The following MCTP1 variants were observed in gnomAD, a reference collection of about 807,000 sequenced individuals.
MCTP1 encodes the protein multiple C2 and transmembrane domain-containing protein 1.
A neutral mutation model predicts 120.6 loss-of-function variants in MCTP1; 69 were observed. That is an observed-to-expected ratio of 0.57 (90% CI 0.47 to 0.70). MCTP1 has a LOEUF of 0.70. Ranked by LOEUF, MCTP1 falls within the 30% of genes least tolerant of loss-of-function variation. MCTP1 has a pLI of 0.00. For missense variants in MCTP1, 1,203 were observed against 1,248.8 expected, an observed-to-expected ratio of 0.96 and a Z score of 0.55; for synonymous variants, 529 against 493.1, an observed-to-expected ratio of 1.07 and a Z score of -0.96.
At chr5:94,945,860 G>C (rs1441548805) in intron 3 of MCTP1, among the ~76,000 whole-genome samples, 1 of 152,188 alleles carries the variant, frequency 6.6e-6, no homozygotes. Flanking sequence ...TCTGCAAGGG[G>C]GGAAGAGGAA....
chr5:95,136,130 G>A (rs993825638), intron 1 of MCTP1, among the ~76,000 whole-genome samples: 2 of 152,058 alleles, frequency 1.3e-5, no homozygotes, highest in African/African-American at 4.8e-5. Flanking sequence ...TACATGTCTT[G>A]GTAATCATTA....
chr5:94,871,008 C>A, intron 14 of MCTP1, 35 bp from the exon 15 acceptor site: 1 of 1,541,614 alleles, frequency 6.5e-7, no homozygotes, highest in East Asian at 2.3e-5. Flanking sequence ...GTCTGTCTCG[C>A]GGTCTCTACT....
chr5:94,792,740 T>A (rs1779248216), intron 18 of MCTP1: 1 of 152,566 alleles, frequency 6.6e-6, no homozygotes. Context: ...ATTGGAGGGA[T>A]GAAGCTGAAA....
intron 17 of MCTP1, among the ~76,000 whole-genome samples, chr5:94,858,401 C>T (rs1054881110): frequency 2.0e-5 from 3 of 151,626 alleles, no homozygotes; most frequent in Non-Finnish European, 4.4e-5. Context: ...ACATTTATTA[C>T]TTAAACTGCA....
At chr5:95,073,259 G>A (rs2152263422) in intron 1 of MCTP1, among the ~76,000 whole-genome samples, 1 of 152,272 alleles carries the variant, frequency 6.6e-6, no homozygotes, top group South Asian at 2.1e-4. Flanking sequence ...ACTTGCCAAA[G>A]CTATCCTTTG....
At chr5:94,716,451 ATAAC>A (rs1255029004) in intron 19 of MCTP1, among the ~76,000 whole-genome samples, 2 of 152,172 alleles carry the variant, frequency 1.3e-5, no homozygotes, top group African/African-American at 4.8e-5. Flanking sequence ...AGTAAAATGA[ATAAC>A]TAGTGGCTTT....
intron 1 of MCTP1, among the ~76,000 whole-genome samples, chr5:95,230,346 G>T (rs1582603688): frequency 6.6e-6 from 1 of 151,954 alleles, no homozygotes; most frequent in East Asian, 1.9e-4. Context: ...AGGAAACTGG[G>T]GCAATACAAA....
At chr5:94,840,735 C>T (rs578225130) in intron 17 of MCTP1, among the ~76,000 whole-genome samples, 8 of 152,162 alleles carry the variant, frequency 5.3e-5, no homozygotes, top group Non-Finnish European at 1.0e-4. Flanking sequence ...TACCATGAGA[C>T]ACAAGTACTC....
chr5:95,278,182 C>T (rs769615838), intron 1 of MCTP1, among the ~76,000 whole-genome samples: 46 of 151,882 alleles, frequency 3.0e-4, no homozygotes, highest in Non-Finnish European at 6.5e-4. Context: ...GGATAAACTT[C>T]TCACCTCTGA....
At chr5:95,092,203 C>A (rs1277348516) in intron 1 of MCTP1, among the ~76,000 whole-genome samples, 1 of 151,338 alleles carries the variant, frequency 6.6e-6, no homozygotes, top group African/African-American at 2.4e-5. Flanking sequence ...TGTTTAGCTG[C>A]CTATAATAAA....
intron 19 of MCTP1, among the ~76,000 whole-genome samples, chr5:94,763,818 A>G (rs1235426415): frequency 6.6e-6 from 1 of 152,214 alleles, no homozygotes; most frequent in Admixed American, 6.5e-5. Context: ...GAAAGAAAAA[A>G]AATTTTAAAA....
chr5:94,913,396 T>C (rs570015492), intron 8 of MCTP1, among the ~76,000 whole-genome samples: 3 of 152,206 alleles, frequency 2.0e-5, no homozygotes, highest in African/African-American at 7.2e-5. Context: ...CTCTATGTTA[T>C]AAATATATTT....
chr5:95,259,514 C>T (rs1392619129), intron 1 of MCTP1, among the ~76,000 whole-genome samples: 1 of 152,200 alleles, frequency 6.6e-6, no homozygotes, highest in African/African-American at 2.4e-5. Flanking sequence ...TCAACACATA[C>T]TCGAAATCAA....
At chr5:94,920,514 G>A (rs1021955431) in intron 7 of MCTP1, among the ~76,000 whole-genome samples, 3 of 151,956 alleles carry the variant, frequency 2.0e-5, no homozygotes, top group South Asian at 2.1e-4. Flanking sequence ...AGGCCGAGGC[G>A]GGCAGATCAC....
chr5:94,956,954 C>T (rs1822792971), intron 2 of MCTP1, among the ~76,000 whole-genome samples: 2 of 152,160 alleles, frequency 1.3e-5, no homozygotes, highest in African/African-American at 4.8e-5. Flanking sequence ...CATCCCAAGA[C>T]ACATAATCGT....
At chr5:94,922,317 C>G (rs1333931351) in intron 7 of MCTP1, among the ~76,000 whole-genome samples, 1 of 152,152 alleles carries the variant, frequency 6.6e-6, no homozygotes, top group Non-Finnish European at 1.5e-5. Context: ...CAAAGAAGAT[C>G]TTGAGAGAGC....
intron 1 of MCTP1, among the ~76,000 whole-genome samples, chr5:95,101,976 T>A (rs1257390972): frequency 6.6e-6 from 1 of 152,180 alleles, no homozygotes; most frequent in African/African-American, 2.4e-5. Context: ...CTGTGTTTTT[T>A]TCCTCACCAC....
At position 94,846,290 on chromosome 5, in the gene MCTP1, G is replaced by A. The variant is rs547115263; in HGVS notation, c.2436+22043C>T. Among the ~76,000 whole-genome samples the A allele has an allele frequency of 5.9e-5, 9 of 152,194 alleles. No individual in the cohort carries two copies. In the East Asian group the frequency reaches 1.5e-3, roughly 26 times the overall value. ...CAGTAGACTGGATAAAGAAAATATA[G>A]TACATACACAGCATGGAATACTACG... On this transcript the variant is annotated intron_variant, in intron 17 of 22. Coordinates refer to ENST00000515393, the MANE Select transcript of MCTP1 (RefSeq NM_024717.7).
intron 19 of MCTP1, among the ~76,000 whole-genome samples, chr5:94,765,827 A>AG (rs1219507808): frequency 5.9e-5 from 9 of 151,354 alleles, no homozygotes; most frequent in Admixed American, 4.6e-4. Flanking sequence ...ACTAGCCAAG[A>AG]GGGGGAAAAA....
Sources: allele counts gnomAD v4.1 joint callset (sites outside exome capture counted in the v4.1 genomes callset), GRCh38; gene constraint gnomAD v4.1.1; transcripts MANE v1.5; gene names NCBI Gene and HGNC (gene_info 2026-07-23, HGNC 2026-07-21).